Variants in AGBL4 observed in about 807,000 individuals in gnomAD.
AGBL4 encodes cytosolic carboxypeptidase 6.
AGBL4 carries 58 observed loss-of-function variants against 66.4 expected under a neutral mutation model. The observed-to-expected ratio is 0.87, with a 90% CI of 0.71 to 1.09. The LOEUF is 1.09. Ranked by LOEUF, AGBL4 falls within the 50% of genes least tolerant of loss-of-function variation. The pLI is 0.00. For missense variants in AGBL4, 579 were observed against 631.0 expected (o/e 0.92, Z 0.88); for synonymous variants, 234 against 222.9 (o/e 1.05, Z -0.44).
chr1:49,465,787 T>C (rs1646617994), intron 3 of AGBL4, among the ~76,000 whole-genome samples: 1 of 151,832 alleles, frequency 6.6e-6, no homozygotes, highest in African/African-American at 2.4e-5. Flanking sequence ...ATAGTTTACC[T>C]ATAAATCAAG....
intron 2 of AGBL4, among the ~76,000 whole-genome samples, chr1:49,730,035 C>G (rs543462778): frequency 6.6e-6 from 1 of 152,240 alleles, no homozygotes; most frequent in South Asian, 2.1e-4. Context: ...CAATCAAACG[C>G]TGCCTCTTTC....
At chr1:49,227,087 T>C (rs1313416113) in intron 4 of AGBL4, among the ~76,000 whole-genome samples, 2 of 152,218 alleles carry the variant, frequency 1.3e-5, no homozygotes. Context: ...CCTTGGTGAT[T>C]AGATTTCAAC....
At chr1:48,739,569 G>A (rs1203586891) in intron 6 of AGBL4, among the ~76,000 whole-genome samples, 1 of 152,194 alleles carries the variant, frequency 6.6e-6, no homozygotes. Context: ...CAGCCTGGGT[G>A]TAAATCTCAG....
chr1:49,019,533 C>G (rs1663079320), intron 5 of AGBL4, among the ~76,000 whole-genome samples: 1 of 152,150 alleles, frequency 6.6e-6, no homozygotes, highest in South Asian at 2.1e-4. Flanking sequence ...TGGCTGTCTA[C>G]CCTGATCAAG....
intron 5 of AGBL4, among the ~76,000 whole-genome samples, chr1:49,013,502 C>T (rs762801264): frequency 1.1e-4 from 17 of 152,142 alleles, no homozygotes; most frequent in Non-Finnish European, 2.1e-4. Context: ...TTGGAAGGAA[C>T]GGGGCTTCAT....
chr1:48,878,418 C>G (rs767814667), intron 5 of AGBL4, among the ~76,000 whole-genome samples: 1 of 152,178 alleles, frequency 6.6e-6, no homozygotes, highest in Non-Finnish European at 1.5e-5. Context: ...CATACACTGT[C>G]TAAGTGACCA....
chr1:48,792,938 T>A (rs1472881233), intron 6 of AGBL4, among the ~76,000 whole-genome samples: 1 of 152,186 alleles, frequency 6.6e-6, no homozygotes, highest in Non-Finnish European at 1.5e-5. Flanking sequence ...TCACACTCCA[T>A]ATATGTTCTC....
At chr1:49,506,540 A>T (rs115486257) in intron 3 of AGBL4, among the ~76,000 whole-genome samples, 277 of 152,028 alleles carry the variant, frequency 1.8e-3, no homozygotes, top group Middle Eastern at 3.4e-3. Context: ...TCCCCTGAAT[A>T]TGCTCTTTTT....
At chr1:49,090,866 C>T (rs939749718) in intron 4 of AGBL4, among the ~76,000 whole-genome samples, 2 of 152,188 alleles carry the variant, frequency 1.3e-5, no homozygotes, top group Non-Finnish European at 2.9e-5. Context: ...AGCAAAACAG[C>T]ATGGTACTGG....
At chr1:48,728,254 A>G (rs1164103360) in intron 6 of AGBL4, among the ~76,000 whole-genome samples, 1 of 152,340 alleles carries the variant, frequency 6.6e-6, no homozygotes, top group East Asian at 1.9e-4. Context: ...GTAATGATAA[A>G]GTGTCCACGT....
intron 4 of AGBL4, among the ~76,000 whole-genome samples, chr1:49,050,776 A>C (rs530488410): frequency 6.6e-6 from 1 of 152,114 alleles, no homozygotes; most frequent in Non-Finnish European, 1.5e-5. Context: ...TGCTCTAAAT[A>C]CTAATTGCAG....
chr1:48,919,520 A>G (rs1319995748), intron 5 of AGBL4, among the ~76,000 whole-genome samples: 1 of 152,226 alleles, frequency 6.6e-6, no homozygotes, highest in Non-Finnish European at 1.5e-5. Flanking sequence ...GCAACACATC[A>G]TTCAAGTCTA....
chr1:49,851,602 C>T, intron 1 of AGBL4, 84 bp from the exon 2 acceptor site: 2 of 1,391,568 alleles, frequency 1.4e-6, no homozygotes, highest in East Asian at 2.6e-5. Flanking sequence ...TACCCCTTCC[C>T]TAGTCACCAA....
chr1:49,964,046 CA>C (rs1282800842), intron 1 of AGBL4, among the ~76,000 whole-genome samples: 3 of 152,022 alleles, frequency 2.0e-5, no homozygotes, highest in African/African-American at 7.2e-5. Context: ...TTCAAGGGTC[CA>C]AATATCATTC....
chr1:48,537,740 C>T (rs976115398), intron 12 of AGBL4, among the ~76,000 whole-genome samples: 5 of 152,180 alleles, frequency 3.3e-5, no homozygotes, highest in African/African-American at 1.2e-4. Context: ...AGGCAGAGGA[C>T]CTGAAAGAGA....
intron 6 of AGBL4, among the ~76,000 whole-genome samples, chr1:48,763,698 T>C (rs1448488483): frequency 6.6e-6 from 1 of 152,162 alleles, no homozygotes; most frequent in Admixed American, 6.5e-5. Context: ...ATCATGTTAG[T>C]GTGGAGAAAA....
chr1:48,829,778 G>T (rs909916148), intron 6 of AGBL4, among the ~76,000 whole-genome samples: 5 of 151,834 alleles, frequency 3.3e-5, no homozygotes, highest in African/African-American at 1.2e-4. Context: ...TATGGAAATT[G>T]TTTCTGACAG....
chr1:49,628,852 T>C (rs1357190343), intron 3 of AGBL4, among the ~76,000 whole-genome samples: 1 of 152,174 alleles, frequency 6.6e-6, no homozygotes, highest in East Asian at 1.9e-4. Context: ...GAAAAGAATA[T>C]GTGTGACAAA....
chr1:48,608,425 T>C (rs1335589406), intron 9 of AGBL4, among the ~76,000 whole-genome samples: 1 of 152,166 alleles, frequency 6.6e-6, no homozygotes, highest in Non-Finnish European at 1.5e-5. Context: ...AAAAATTGCA[T>C]GGTGAGGGGT....
Sources: gnomAD v4.1 joint callset for allele counts (sites outside exome capture counted in the v4.1 genomes callset) on GRCh38, gnomAD v4.1.1 for gene constraint, MANE v1.5 for transcripts, NCBI Gene and HGNC (gene_info 2026-07-23, HGNC 2026-07-21) for gene names.